Variants in STOX2 observed in about 807,000 individuals in gnomAD.
STOX2 encodes storkhead box 2, also known as storkhead-box protein 2.
In STOX2, 28 loss-of-function variants were observed where a neutral mutation model predicts 60.9. The observed-to-expected ratio is 0.46, with a 90% CI of 0.34 to 0.63. The LOEUF (loss-of-function observed/expected upper bound fraction) is 0.63, where lower values mean the gene tolerates loss of function less well. STOX2 is among the 30% of genes least tolerant of loss of function. STOX2 has a pLI of 0.01. For synonymous variants in STOX2, 472 were observed against 463.9 expected, an observed-to-expected ratio of 1.02 and a Z score of -0.22; for missense variants, 1,024 against 1,187.7, an observed-to-expected ratio of 0.86 and a Z score of 2.03.
intron 1 of STOX2, among the ~76,000 whole-genome samples, chr4:183,866,255 C>T (rs996361947): frequency 3.3e-5 from 5 of 152,128 alleles, no homozygotes; most frequent in Admixed American, 6.5e-5. Flanking sequence ...AAGCCCACCC[C>T]GAGCCTGTTC....
At chr4:183,838,465 A>C (rs1344102647) in intron 1 of STOX2, among the ~76,000 whole-genome samples, 1 of 152,126 alleles carries the variant, frequency 6.6e-6, no homozygotes, top group Admixed American at 6.5e-5. Flanking sequence ...GATAGTTTTG[A>C]GATTTATTAT....
At chr4:184,007,848 C>T (rs933489605) in intron 2 of STOX2, among the ~76,000 whole-genome samples, 6 of 152,102 alleles carry the variant, frequency 3.9e-5, no homozygotes, top group African/African-American at 1.2e-4. Context: ...CAGTCGTATT[C>T]GATTAGAGAC....
At chr4:183,816,649 T>TA (rs568050842) in intron 1 of STOX2, among the ~76,000 whole-genome samples, 24 of 150,826 alleles carry the variant, frequency 1.6e-4, no homozygotes, top group South Asian at 2.1e-4. Context: ...ATATAAAATT[T>TA]AAAAAAAAAA....
chr4:183,911,689 A>G lies in STOX2; in HGVS notation c.166+4733A>G, dbSNP rs73870953. The stretch of plus-strand genomic sequence containing the variant: ...ACCTCCAGAGCAATTCTGGCCTGAA[A>G]TTCCCTACACCCCGGAGAATTAGGA... On this transcript the variant is annotated intron_variant, in intron 1 of 3. Transcript: ENST00000308497. 3.2e-3 allele frequency among the ~76,000 whole-genome samples: 490 copies of G among 152,240 alleles called. 4 individuals carry two copies. Among genetic ancestry groups the G allele is most frequent in the African/African-American group, 0.011 (472 of 41,526 alleles).
chr4:183,986,525 T>C (rs960060177), intron 1 of STOX2, among the ~76,000 whole-genome samples: 4 of 152,244 alleles, frequency 2.6e-5, no homozygotes, highest in Non-Finnish European at 4.4e-5. Flanking sequence ...TTTTATTTAA[T>C]AACATTCAAA....
At chr4:183,853,175 TG>T (rs759269865) in intron 1 of STOX2, among the ~76,000 whole-genome samples, 9 of 152,186 alleles carry the variant, frequency 5.9e-5, no homozygotes, top group Non-Finnish European at 1.2e-4. Flanking sequence ...GTTGAAGGAC[TG>T]TTCTCTTCTA....
At chr4:183,900,549 T>C (rs148837246), upstream of STOX2, among the ~76,000 whole-genome samples, 4 of 152,362 alleles carry the variant, frequency 2.6e-5, no homozygotes, top group East Asian at 7.7e-4. Flanking sequence ...CTTAGGTCTT[T>C]AATGAATGTT....
chr4:183,953,978 GA>G (rs1208732766), intron 1 of STOX2, among the ~76,000 whole-genome samples: 1 of 152,192 alleles, frequency 6.6e-6, no homozygotes, highest in East Asian at 1.9e-4. Context: ...ATGAGTGAGT[GA>G]AATTTGCTTT....
At chr4:183,849,596 T>G (rs964491927) in intron 1 of STOX2, among the ~76,000 whole-genome samples, 5 of 152,260 alleles carry the variant, frequency 3.3e-5, no homozygotes, top group African/African-American at 1.2e-4. Context: ...GTTAAACGTC[T>G]GAGCCTATGA....
intron 1 of STOX2, among the ~76,000 whole-genome samples, chr4:183,887,104 CA>C (rs904427081): frequency 1.2e-4 from 18 of 148,132 alleles, no homozygotes; most frequent in Non-Finnish European, 1.5e-4. Context: ...CCTAAAAATG[CA>C]AAAAAAAAAT....
intron 1 of STOX2, among the ~76,000 whole-genome samples, chr4:183,877,222 C>T (rs985842502): frequency 1.3e-5 from 2 of 152,202 alleles, no homozygotes; most frequent in African/African-American, 4.8e-5. Flanking sequence ...TTGCTATCCC[C>T]TGAACTAAAG....
At chr4:183,894,434 C>G (rs998746714) in intron 1 of STOX2, among the ~76,000 whole-genome samples, 1 of 151,918 alleles carries the variant, frequency 6.6e-6, no homozygotes, top group African/African-American at 2.4e-5. Context: ...TATTTTTATT[C>G]TATATTAGCA....
intron 1 of STOX2, among the ~76,000 whole-genome samples, chr4:183,876,202 T>C (rs1212690283): frequency 6.6e-6 from 1 of 152,176 alleles, no homozygotes. Context: ...TGACAGAGAC[T>C]GTCTACAATT....
At chr4:183,861,109 A>G (rs1400255531) in intron 1 of STOX2, among the ~76,000 whole-genome samples, 4 of 152,164 alleles carry the variant, frequency 2.6e-5, no homozygotes, top group African/African-American at 9.7e-5. Context: ...TCTCCCCACT[A>G]CTTCTTTCTC....
chr4:183,980,823 T>G (rs1732635069), intron 1 of STOX2, among the ~76,000 whole-genome samples: 1 of 152,112 alleles, frequency 6.6e-6, no homozygotes. Context: ...TTTGTAAAAA[T>G]ATGGCAGTCT....
chr4:183,887,178 C>T (rs576048714), intron 1 of STOX2, among the ~76,000 whole-genome samples: 2 of 151,990 alleles, frequency 1.3e-5, no homozygotes, highest in African/African-American at 2.4e-5. Flanking sequence ...GCAGGAGAAT[C>T]GCTTGAACCC....
At chr4:183,989,325 C>G (rs563304085) in intron 1 of STOX2, among the ~76,000 whole-genome samples, 1 of 152,042 alleles carries the variant, frequency 6.6e-6, no homozygotes, top group Non-Finnish European at 1.5e-5. Flanking sequence ...GCCTCAGCCT[C>G]TTGAGTAGCT....
At chr4:183,861,374 C>T (rs1241036857) in intron 1 of STOX2, among the ~76,000 whole-genome samples, 1 of 152,134 alleles carries the variant, frequency 6.6e-6, no homozygotes, top group Non-Finnish European at 1.5e-5. Context: ...CTGTTTGCCG[C>T]CATGGTGAAG....
At chr4:183,942,949 T>G (rs1425624370) in intron 1 of STOX2, among the ~76,000 whole-genome samples, 1 of 152,238 alleles carries the variant, frequency 6.6e-6, no homozygotes, top group Non-Finnish European at 1.5e-5. Context: ...TTCATCTAAT[T>G]GCTGGGGCTT....
Sources: gnomAD v4.1 joint callset for allele counts (sites outside exome capture counted in the v4.1 genomes callset) on GRCh38, gnomAD v4.1.1 for gene constraint, MANE v1.5 for transcripts, NCBI Gene and HGNC (gene_info 2026-07-23, HGNC 2026-07-21) for gene names.